The following DPP10 variants were observed in gnomAD, a reference collection of about 807,000 sequenced individuals.
DPP10 encodes inactive dipeptidyl peptidase 10.
Under a neutral mutation model 120.9 loss-of-function variants are expected in DPP10, and 33 were observed. The observed-to-expected ratio is 0.27, with a 90% CI of 0.21 to 0.37. The LOEUF is 0.37. DPP10 is among the 10% of genes least tolerant of loss of function. DPP10 has a pLI of 1.00. For missense variants in DPP10, 816 were observed against 942.8 expected (o/e 0.87, Z 1.76); for synonymous variants, 337 against 326.1 (o/e 1.03, Z -0.36).
At chr2:114,752,273 C>T (rs1048114711) in intron 1 of DPP10, among the ~76,000 whole-genome samples, 3 of 151,930 alleles carry the variant, frequency 2.0e-5, no homozygotes, top group Non-Finnish European at 4.4e-5. Flanking sequence ...GGATGGGAGT[C>T]GAAAGATAAT....
chr2:115,821,217 A>T (rs921521265), intron 21 of DPP10, among the ~76,000 whole-genome samples: 1 of 152,118 alleles, frequency 6.6e-6, no homozygotes, highest in Non-Finnish European at 1.5e-5. Flanking sequence ...TCCCTTTATA[A>T]TGTGAACTCA....
At chr2:115,563,886 G>A (rs1245509295) in intron 5 of DPP10, among the ~76,000 whole-genome samples, 1 of 152,174 alleles carries the variant, frequency 6.6e-6, no homozygotes, top group Non-Finnish European at 1.5e-5. Context: ...ATTATAGAAT[G>A]ATAATATGAA....
intron 5 of DPP10, among the ~76,000 whole-genome samples, chr2:115,576,591 G>A (rs2081672617): frequency 6.6e-6 from 1 of 152,210 alleles, no homozygotes; most frequent in African/African-American, 2.4e-5. Context: ...GAGACTGCAT[G>A]AGAACCAAAC....
chr2:115,280,719 A>T (rs1337730894), intron 1 of DPP10, among the ~76,000 whole-genome samples: 1 of 152,164 alleles, frequency 6.6e-6, no homozygotes, highest in Non-Finnish European at 1.5e-5. Flanking sequence ...ATTCAGTGTG[A>T]TCTATTACAA....
At chr2:115,257,029 A>G (rs961357946) in intron 1 of DPP10, among the ~76,000 whole-genome samples, 2 of 152,206 alleles carry the variant, frequency 1.3e-5, no homozygotes, top group Non-Finnish European at 2.9e-5. Flanking sequence ...CCTTTGCTCC[A>G]GTTCCCAGTA....
chr2:115,734,675 A>G (rs2092991862), intron 8 of DPP10, among the ~76,000 whole-genome samples: 1 of 128,492 alleles, frequency 7.8e-6, no homozygotes, highest in Non-Finnish European at 1.8e-5. Flanking sequence ...AAAAAAAAAA[A>G]AAAAAAAGAA....
chr2:115,778,089 CT>C (rs1015461826), intron 15 of DPP10, among the ~76,000 whole-genome samples: 1 of 152,050 alleles, frequency 6.6e-6, no homozygotes, highest in Non-Finnish European at 1.5e-5. Context: ...TTCTTAATAT[CT>C]TTTTTGTGGC....
intron 1 of DPP10, among the ~76,000 whole-genome samples, chr2:115,146,573 A>C (rs899903704): frequency 9.2e-5 from 14 of 151,680 alleles, no homozygotes; most frequent in Non-Finnish European, 1.9e-4. Context: ...CTTAGAGATA[A>C]ATTTGACAAC....
intron 1 of DPP10, among the ~76,000 whole-genome samples, chr2:115,006,225 C>T (rs904170139): frequency 1.1e-3 from 172 of 152,164 alleles, no homozygotes; most frequent in Non-Finnish European, 1.8e-3. Context: ...AAGCATTAAA[C>T]ATGGAAAGGA....
chr2:114,804,276 G>A (rs924970698), intron 1 of DPP10, among the ~76,000 whole-genome samples: 1 of 152,204 alleles, frequency 6.6e-6, no homozygotes, highest in Non-Finnish European at 1.5e-5. Context: ...TTTATTGGAG[G>A]GGTAGGGCCC....
At chr2:115,317,157 GCAGTTGCTCCTCATATCCCACCT>G (rs1031630677) in intron 2 of DPP10, among the ~76,000 whole-genome samples, 31 of 152,032 alleles carry the variant, frequency 2.0e-4, no homozygotes, top group Admixed American at 1.9e-3. Context: ...TACCCATTAA[GCAGTTGCTCCTCATATCCCACCT>G]CAGTTGCTCC....
At chr2:114,704,732 G>A (rs1035256135) in intron 1 of DPP10, among the ~76,000 whole-genome samples, 2 of 152,158 alleles carry the variant, frequency 1.3e-5, no homozygotes, top group African/African-American at 4.8e-5. Flanking sequence ...AAATGTAATG[G>A]ACAAAATGGG....
intron 5 of DPP10, among the ~76,000 whole-genome samples, chr2:115,571,580 A>G (rs1187896073): frequency 6.6e-6 from 1 of 152,196 alleles, no homozygotes; most frequent in Non-Finnish European, 1.5e-5. Context: ...CAATGGAAGC[A>G]TATTGAAAAT....
At chr2:115,614,641 T>C (rs1353720066) in intron 5 of DPP10, among the ~76,000 whole-genome samples, 1 of 152,146 alleles carries the variant, frequency 6.6e-6, no homozygotes, top group Non-Finnish European at 1.5e-5. Context: ...GCCAGGCTGG[T>C]CTGAAACTCC....
intron 1 of DPP10, among the ~76,000 whole-genome samples, chr2:114,605,960 C>T (rs184556209): frequency 3.3e-5 from 5 of 152,154 alleles, no homozygotes; most frequent in Admixed American, 1.3e-4. Context: ...GGTAACTTGC[C>T]TGTTTGGAAG....
chr2:115,171,617 C>T (rs969665920), intron 1 of DPP10, among the ~76,000 whole-genome samples: 2 of 151,764 alleles, frequency 1.3e-5, no homozygotes, highest in Non-Finnish European at 2.9e-5. Flanking sequence ...GATTCTGGGT[C>T]TCTTTCCATC....
intron 1 of DPP10, among the ~76,000 whole-genome samples, chr2:114,661,575 T>C (rs192467076): frequency 4.6e-5 from 7 of 152,296 alleles, no homozygotes; most frequent in Non-Finnish European, 7.4e-5. Flanking sequence ...TTCTCCATCT[T>C]AGACATCTTT....
chr2:115,150,308 A>G (rs1186663339), intron 1 of DPP10, among the ~76,000 whole-genome samples: 1 of 152,234 alleles, frequency 6.6e-6, no homozygotes, highest in African/African-American at 2.4e-5. Flanking sequence ...TGATATCTCC[A>G]AATGAAAATG....
chr2:115,711,915 GGT>G (rs371637484), intron 7 of DPP10, among the ~76,000 whole-genome samples: 28,911 of 96,668 alleles, frequency 0.3, 5,341 homozygotes, highest in South Asian at 0.46. Flanking sequence ...AAAATGGTCT[GGT>G]TTTTTTTTTT....
Sources: allele counts gnomAD v4.1 joint callset (sites outside exome capture counted in the v4.1 genomes callset), GRCh38; gene constraint gnomAD v4.1.1; transcripts MANE v1.5; gene names NCBI Gene and HGNC (gene_info 2026-07-23, HGNC 2026-07-21).